The following MYO7A variants were observed in gnomAD, a reference collection of about 807,000 sequenced individuals.
MYO7A encodes the protein myosin VIIA.
MYO7A carries 210 observed loss-of-function variants against 263.8 expected under a neutral mutation model. The observed-to-expected ratio is 0.80, with a 90% CI of 0.71 to 0.89. The LOEUF (loss-of-function observed/expected upper bound fraction) is 0.89, where lower values mean the gene tolerates loss of function less well. Among genes scored for constraint, MYO7A ranks in the 40% least tolerant of loss-of-function variants. The pLI is 0.00. For missense variants in MYO7A, 2,820 were observed against 2,968.3 expected, an observed-to-expected ratio of 0.95 and a Z score of 1.16; for synonymous variants, 1,239 against 1,197.3, an observed-to-expected ratio of 1.03 and a Z score of -0.72.
rs1953580606 is a variant in MYO7A, at chr11:77,166,687, G to T, written c.1797+525G>T. ...CCTTTTTATTTCATATTTTCCTCCT[G>T]TCCCATGGCTTCCTGGAGGGTGCAT... On this transcript the variant is annotated intron_variant, in intron 15 of 48. Transcript: ENST00000409709. Among the ~76,000 whole-genome samples, 3 of 152,034 alleles carry T rather than the reference G, an allele frequency of 2.0e-5. No homozygotes were observed. The South Asian group carries it at 6.2e-4, about 32-fold the overall frequency.
At chr11:77,156,604 G>A in intron 5 of MYO7A, 56 bp from the exon 6 acceptor site, 1 of 1,604,460 alleles carries the variant, frequency 6.2e-7, no homozygotes, top group Non-Finnish European at 8.5e-7. Context: ...CTGAGTTCCA[G>A]TTGGTGGGGA....
rs76024136 is a variant in MYO7A, at chr11:77,193,091, G to C, written c.4152+813G>C. ...GATGGTGGAGGTAGTTGTTTGTGAT[G>C]GTGGAGGTAGTGATGCTGTTGGTGA... On this transcript the variant is annotated intron_variant, in intron 31 of 48. Transcript: ENST00000409709. 7.8e-4 allele frequency among the ~76,000 whole-genome samples: 65 copies of C among 83,350 alleles called. 8 individuals carry two copies. Among genetic ancestry groups the C allele is most frequent in the African/African-American group, 1.6e-3 (42 of 25,926 alleles). 54.7% of individuals were successfully genotyped at this position (83,350 alleles called of 152,430 possible).
Position 77,208,707 on chromosome 11 carries a change from C to T in MYO7A, c.5955C>T (p.Pro1985=). 6.3e-7 allele frequency: 1 copy of T among 1,584,266 alleles called. No homozygotes were observed. The highest frequency in any genetic ancestry group is 8.6e-7 in the Non-Finnish European group (1 of 1,164,880). ...KARPIKDGIV[P]SLTYQVFFMK... is the part of the protein sequence containing the mutation. ...TGCCCTGTGCTGCAGGAATTGTGCCCTCACTCACCTACCAGGTGTTCTTCA... is the reference window on the plus strand; with the variant it reads ...TGCCCTGTGCTGCAGGAATTGTGCCTTCACTCACCTACCAGGTGTTCTTCA... Residue 1985 remains proline, a synonymous_variant, in exon 44 of 49, where the codon CCC becomes CCT. Transcript: ENST00000409709.
At chr11:77,209,976 A>C (rs1957754055) in intron 44 of MYO7A, among the ~76,000 whole-genome samples, 1 of 152,230 alleles carries the variant, frequency 6.6e-6, no homozygotes, top group Admixed American at 6.5e-5. Flanking sequence ...AGTGTGCCAC[A>C]GGGCCTTTGT....
chr11:77,177,726 C>A, intron 19 of MYO7A, 83 bp downstream of exon 19: 3 of 1,157,666 alleles, frequency 2.6e-6, no homozygotes, highest in Middle Eastern at 1.9e-4. Context: ...GCTCTGCCCG[C>A]ATGAACACTA....
At chr11:77,156,602 C>G in intron 5 of MYO7A, 58 bp from the exon 6 acceptor site, 1 of 1,603,388 alleles carries the variant, frequency 6.2e-7, no homozygotes, top group South Asian at 1.1e-5. Context: ...GGCTGAGTTC[C>G]AGTTGGTGGG....
At chr11:77,196,328 T>C (rs1412306745) in intron 32 of MYO7A, among the ~76,000 whole-genome samples, 1 of 150,210 alleles carries the variant, frequency 6.7e-6, no homozygotes, top group African/African-American at 2.5e-5. Flanking sequence ...ATCCTGCCAT[T>C]GCACTCCAGC....
chr11:77,192,964 GATGGTGGAGGTAGTT>G (rs1956254103), intron 31 of MYO7A, among the ~76,000 whole-genome samples: 1 of 27,500 alleles, frequency 3.6e-5, no homozygotes, highest in Admixed American at 4.1e-4. Flanking sequence ...TGGTGTTGGT[GATGGTGGAGGTAGTT>G]GTGATGGTGG....
rs1389922960 is a variant in MYO7A, at chr11:77,183,010, G to A, written c.3286-58G>A. On this transcript the variant is annotated intron_variant, in intron 25 of 48. Coordinates refer to ENST00000409709, the MANE Select transcript of MYO7A (RefSeq NM_000260.4). ...GTTCCCCGCAAAGTCTTGCTGTCGGGGGTCTCGACATTGCTTTCTGCTCAG... is the reference window on the plus strand; with the variant it reads ...GTTCCCCGCAAAGTCTTGCTGTCGGAGGTCTCGACATTGCTTTCTGCTCAG... 3 of 1,413,884 alleles carry A rather than the reference G, an allele frequency of 2.1e-6. No homozygotes were observed. The African/African-American group carries it at 4.3e-5, about 20-fold the overall frequency. The allele number at this position is 1,413,884 out of a possible 1,614,324, so 87.6% of individuals were successfully genotyped here.
intron 16 of MYO7A, 115 bp downstream of exon 16, chr11:77,173,000 T>C (rs1490043954): frequency 5.0e-6 from 7 of 1,390,574 alleles, no homozygotes; most frequent in East Asian, 2.5e-5. Context: ...CTTTGGGGAA[T>C]GGGGGGCACC....
intron 34 of MYO7A, among the ~76,000 whole-genome samples, chr11:77,198,970 G>A (rs187093190): frequency 1.1e-3 from 166 of 152,346 alleles, no homozygotes; most frequent in African/African-American, 3.8e-3. Flanking sequence ...TCGCATAACA[G>A]TGGTGGGGAA....
intron 8 of MYO7A, among the ~76,000 whole-genome samples, chr11:77,157,890 C>T (rs1428433758): frequency 6.6e-6 from 1 of 152,216 alleles, no homozygotes; most frequent in Non-Finnish European, 1.5e-5. Context: ...CCTCTGTCTA[C>T]ACCAGGCAGT....
chr11:77,131,708 C>G (rs1950772338), intron 2 of MYO7A, among the ~76,000 whole-genome samples: 1 of 152,238 alleles, frequency 6.6e-6, no homozygotes, highest in African/African-American at 2.4e-5. Context: ...TCCTCTCCTG[C>G]CCCTCTGAAC....
At chr11:77,206,320 C>A (rs1481509042) in intron 41 of MYO7A, 118 bp downstream of exon 41, 10 of 755,548 alleles carry the variant, frequency 1.3e-5, no homozygotes, top group Non-Finnish European at 1.9e-5. Flanking sequence ...GCCTCGTCCT[C>A]CTGCCCCGTA....
intron 44 of MYO7A, among the ~76,000 whole-genome samples, chr11:77,210,323 C>T (rs1027133337): frequency 6.6e-5 from 10 of 152,050 alleles, no homozygotes; most frequent in Non-Finnish European, 4.4e-5. Flanking sequence ...GCTCAATGAA[C>T]ATAGAGATGG....
chr11:77,204,159 C>T lies in MYO7A; in HGVS notation c.5410C>T (p.Leu1804=), dbSNP rs1284898948. The change falls in exon 39 of 49, where the codon CTG becomes TTG. Residue 1804 remains leucine (L), a synonymous_variant. Transcript: ENST00000409709. The stretch of plus-strand genomic sequence containing the variant: ...CACCGACCAGATCTTTGAGGGTCCC[C>T]TGAAAGCCGAGCCCCTGAAGGACGA... The part of the protein sequence containing the change: ...ELTDQIFEGP[L]KAEPLKDEAY... 1 of 1,593,730 alleles carries T rather than the reference C, an allele frequency of 6.3e-7. No homozygotes were observed. Among genetic ancestry groups the T allele is most frequent in the Non-Finnish European group, 8.5e-7 (1 of 1,170,698 alleles).
In MYO7A at chr11:77,206,149, C is replaced by A. The variant is rs1181992213; in HGVS notation, c.5689C>A (p.His1897Asn). ...PHLVEVEAIQHKTTQIFHKVY... is the reference protein window; with the variant it reads ...PHLVEVEAIQNKTTQIFHKVY... ...CCTGGTGGAGGTGGAGGCCATCCAG[C>A]ACAAGACCACCCAGATTTTCCACAA... Residue 1897 changes from histidine (H) to asparagine (N), a missense_variant, in exon 41 of 49, where the codon CAC becomes AAC. Coordinates refer to ENST00000409709, the MANE Select transcript of MYO7A (RefSeq NM_000260.4). 9.3e-6 allele frequency: 15 copies of A among 1,613,586 alleles called. No homozygotes were observed. Among genetic ancestry groups the A allele is most frequent in the Non-Finnish European group, 1.2e-5 (14 of 1,179,760 alleles).
At chr11:77,160,385 G>T (rs1423357329) in intron 11 of MYO7A, 103 bp downstream of exon 11, 1 of 1,451,720 alleles carries the variant, frequency 6.9e-7, no homozygotes, top group South Asian at 1.4e-5. Context: ...AGACATCTGG[G>T]TCGCCACCCC....
At position 77,160,160 on chromosome 11, in the gene MYO7A, C is replaced by G; in HGVS notation, c.1081-3C>G. The G allele has an allele frequency of 6.4e-7, 1 of 1,555,870 alleles. No homozygotes were observed. ...TGAGCACCTGGGGTGTTGCCTGTACCAGGTGAACCCCCCAGACCTGATGAG... is the reference window on the plus strand; with the variant it reads ...TGAGCACCTGGGGTGTTGCCTGTACGAGGTGAACCCCCCAGACCTGATGAG... On this transcript the variant is annotated splice_polypyrimidine_tract_variant and splice_region_variant and intron_variant, in intron 10 of 48. Coordinates refer to ENST00000409709, the MANE Select transcript of MYO7A (RefSeq NM_000260.4).
Sources: gnomAD v4.1 joint callset for allele counts (sites outside exome capture counted in the v4.1 genomes callset) on GRCh38, gnomAD v4.1.1 for gene constraint, MANE v1.5 for transcripts, NCBI Gene and HGNC (gene_info 2026-07-23, HGNC 2026-07-21) for gene names.